The following ADAMTS20 variants were observed in gnomAD, a reference collection of about 807,000 sequenced individuals.
ADAMTS20 encodes the protein ADAM metallopeptidase with thrombospondin type 1 motif 20.
A neutral mutation model predicts 260.1 loss-of-function variants in ADAMTS20; 225 were observed. The observed-to-expected ratio is 0.87, with a 90% CI of 0.78 to 0.97. The LOEUF (loss-of-function observed/expected upper bound fraction) is 0.97. Ranked by LOEUF, ADAMTS20 falls within the 50% of genes least tolerant of loss-of-function variation. The pLI is 0.00. For missense variants in ADAMTS20, 2,400 were observed against 2,337.7 expected (o/e 1.03, Z -0.55); for synonymous variants, 802 against 769.5 (o/e 1.04, Z -0.70).
intron 7 of ADAMTS20, among the ~76,000 whole-genome samples, chr12:43,488,145 G>A (rs551144003): frequency 1.2e-4 from 19 of 152,094 alleles, no homozygotes; most frequent in African/African-American, 4.6e-4. Context: ...GTTCAATTTG[G>A]GGAGTTGAGC....
intron 26 of ADAMTS20, 136 bp downstream of exon 26, chr12:43,428,105 T>C (rs1051221775): frequency 9.9e-6 from 9 of 910,510 alleles, no homozygotes; most frequent in Non-Finnish European, 1.4e-5. Flanking sequence ...AGACGCTTAA[T>C]CTTTTTAATA....
At position 43,440,015 on chromosome 12, in the gene ADAMTS20, G is replaced by A. The variant is rs372549704; in HGVS notation, c.2345C>T (p.Thr782Met). 7.9e-5 allele frequency: 124 copies of A among 1,571,706 alleles called. No individual in the cohort carries two copies. Among genetic ancestry groups the A allele is most frequent in the Non-Finnish European group, 1.1e-4 (123 of 1,156,900 alleles). The change falls in exon 17 of 39, where the codon ACG becomes ATG. Residue 782 changes from threonine (T) to methionine (M), a missense_variant. Thr to Met is a moderately conservative substitution (Grantham distance 81, BLOSUM62 -1). Transcript: ENST00000389420. ...FLFNGNFLLS[T>M]SKKEINVQGT... ...TTGCACATTGATTTCTTTTTTTGACGTACTTAGAAGAAAATTTCCATTGAA... is the reference window on the plus strand; with the variant it reads ...TTGCACATTGATTTCTTTTTTTGACATACTTAGAAGAAAATTTCCATTGAA...
chr12:43,483,388 A>G (rs1169395961), intron 7 of ADAMTS20, among the ~76,000 whole-genome samples: 1 of 152,164 alleles, frequency 6.6e-6, no homozygotes, highest in Admixed American at 6.5e-5. Flanking sequence ...GAGTTTCAGC[A>G]GAGGCATAGG....
intron 11 of ADAMTS20, 111 bp from the exon 12 acceptor site, chr12:43,454,163 A>T: frequency 8.2e-7 from 1 of 1,216,348 alleles, no homozygotes; most frequent in Non-Finnish European, 1.1e-6. Flanking sequence ...AACAATTTGA[A>T]GCTAGCTGTT....
intron 29 of ADAMTS20, among the ~76,000 whole-genome samples, chr12:43,386,040 C>T (rs1940468670): frequency 6.6e-6 from 1 of 152,020 alleles, no homozygotes; most frequent in Non-Finnish European, 1.5e-5. Context: ...TGATTCTTCT[C>T]TCTTTTCTTC....
intron 4 of ADAMTS20, among the ~76,000 whole-genome samples, chr12:43,494,032 T>C (rs529901694): frequency 6.6e-6 from 1 of 152,334 alleles, no homozygotes; most frequent in East Asian, 1.9e-4. Context: ...GTAGCCATTA[T>C]AGAGGTTGCC....
At position 43,428,321 on chromosome 12, in the gene ADAMTS20, G is replaced by C. The variant is rs1489536091; in HGVS notation, c.3865C>G (p.Gln1289Glu). The change falls in exon 26 of 39, where the codon CAA becomes GAA. Residue 1289 changes from glutamine to glutamate, a missense_variant. Physicochemically the swap from Gln to Glu is conservative, Grantham distance 29. Transcript: ENST00000389420. ...YYLSTNLPLT[Q>E]KLEDNENQVV... is the part of the protein sequence containing the mutation. ...TGATTTTCATTATCTTCAAGTTTTT[G>C]AGTTAATGGCAAATTCGTGCTTAGA... The C allele has an allele frequency of 6.2e-7, 1 of 1,613,940 alleles. No individual in the cohort carries two copies. The highest frequency in any genetic ancestry group is 1.7e-5 in the Admixed American group (1 of 60,002).
intron 3 of ADAMTS20, among the ~76,000 whole-genome samples, chr12:43,528,724 A>C (rs1226093074): frequency 6.6e-6 from 1 of 152,072 alleles, no homozygotes; most frequent in African/African-American, 2.4e-5. Context: ...CCCTAGGGAA[A>C]ACTCTTCTGG....
rs1490371350 is a variant in ADAMTS20 at position 43,377,518 on chromosome 12, A to G, written c.4842T>C (p.Tyr1614=). The G allele has an allele frequency of 4.3e-6, 7 of 1,613,294 alleles. No homozygotes were observed. The Admixed American group carries it at 8.3e-5, about 19-fold the overall frequency. Residue 1614 remains tyrosine (Y), a synonymous_variant, in exon 32 of 39, where the codon TAT becomes TAC. Coordinates refer to ENST00000389420, the MANE Select transcript of ADAMTS20 (RefSeq NM_025003.5). ...CGFSYRQRIT[Y]CTEIPSTKKH... Reference sequence around the variant, plus strand: ...TCTTAGTAGATGGGATCTCGGTGCAATATGTAATCCTTTGTCTGTAACTAA... The same window carrying G: ...TCTTAGTAGATGGGATCTCGGTGCAGTATGTAATCCTTTGTCTGTAACTAA...
In ADAMTS20 at chr12:43,439,991, T is replaced by C. The variant is rs1476022407; in HGVS notation, c.2369A>G (p.Gln790Arg). 3 of 1,588,946 alleles carry C rather than the reference T, an allele frequency of 1.9e-6. No individual in the cohort carries two copies. Among genetic ancestry groups the C allele is most frequent in the Admixed American group, 1.8e-5 (1 of 56,100 alleles). The change falls in exon 17 of 39, where the codon CAA (glutamine) becomes CGA (arginine). Residue 790 changes from glutamine (Q) to arginine (R), a missense_variant. Physicochemically the swap from Gln to Arg is conservative, Grantham distance 43. Transcript: ENST00000389420. The stretch of plus-strand genomic sequence containing the variant: ...GTATTCAATAACAGTTCTTGTTCCT[T>C]GCACATTGATTTCTTTTTTTGACGT... ...LSTSKKEINV[Q>R]GTRTVIEYSG...
rs1433193026 is a variant in ADAMTS20, at chr12:43,551,821, G to T, written c.91+10C>A. ...ACTTAGCCGCTGAAGGCGTCTCGCGGTGACTTTACCTTGCCTGGGGTGGAA... is the reference window on the plus strand; with the variant it reads ...ACTTAGCCGCTGAAGGCGTCTCGCGTTGACTTTACCTTGCCTGGGGTGGAA... On this transcript the variant is annotated intron_variant, in intron 1 of 38. Transcript: ENST00000389420. This position sits in a 1 kb window ranked among gnomAD's most constrained non-coding sequence, Gnocchi z 4.6. 1 of 1,613,030 alleles carries T rather than the reference G, an allele frequency of 6.2e-7. No homozygotes were observed. Among genetic ancestry groups the T allele is most frequent in the East Asian group, 2.2e-5 (1 of 44,698 alleles).
At position 43,432,501 on chromosome 12, in the gene ADAMTS20, A is replaced by G. The variant is rs1326565298; in HGVS notation, c.2932-33T>C. 4.8e-5 allele frequency: 76 copies of G among 1,592,560 alleles called. No individual in the cohort carries two copies. The Admixed American group carries it at 1.3e-3, about 27-fold the overall frequency. On this transcript the variant is annotated intron_variant, in intron 20 of 38. Coordinates refer to ENST00000389420, the MANE Select transcript of ADAMTS20 (RefSeq NM_025003.5). ...AAAAAAAAAAAGTGGTAACTAATGG[A>G]AAAAAATCAGATTTTCAACAAAATT...
chr12:43,520,413 G>T (rs1208816786), intron 3 of ADAMTS20, among the ~76,000 whole-genome samples: 1 of 152,076 alleles, frequency 6.6e-6, no homozygotes, highest in Non-Finnish European at 1.5e-5. Context: ...TAACTTAGGA[G>T]ATGGGAAACC....
intron 7 of ADAMTS20, among the ~76,000 whole-genome samples, chr12:43,476,992 TA>T (rs3990496): frequency 0.23 from 20,497 of 90,706 alleles, 1,618 homozygotes; most frequent in Admixed American, 0.32. Flanking sequence ...ACTTAAAGTA[TA>T]AAAAAAAAAA....
At chr12:43,438,232 G>A (rs1203896086) in intron 18 of ADAMTS20, among the ~76,000 whole-genome samples, 1 of 152,058 alleles carries the variant, frequency 6.6e-6, no homozygotes, top group African/African-American at 2.4e-5. Context: ...TATTCTCTGT[G>A]TGTTCACTGC....
intron 22 of ADAMTS20, 149 bp downstream of exon 22, chr12:43,431,183 T>TA (rs1941434792): frequency 1.4e-6 from 1 of 696,798 alleles, no homozygotes; most frequent in Admixed American, 3.2e-5. Flanking sequence ...ATGTTACACA[T>TA]AAAGATTCAC....
At chr12:43,511,856 C>A (rs551197471) in intron 3 of ADAMTS20, among the ~76,000 whole-genome samples, 4 of 152,190 alleles carry the variant, frequency 2.6e-5, no homozygotes, top group Middle Eastern at 6.8e-3. Context: ...AATACTTGTT[C>A]TAGACTTAAC....
intron 8 of ADAMTS20, among the ~76,000 whole-genome samples, chr12:43,468,392 T>G (rs1184970773): frequency 2.6e-5 from 4 of 152,196 alleles, no homozygotes; most frequent in Admixed American, 2.6e-4. Context: ...AAGTTCTAGT[T>G]CTTTGCTTAG....
At chr12:43,428,948 G>A (rs1460226627) in intron 24 of ADAMTS20, 149 bp from the exon 25 acceptor site, 9 of 640,150 alleles carry the variant, frequency 1.4e-5, no homozygotes, top group Non-Finnish European at 2.1e-5. Context: ...CATCACTTCT[G>A]AGTCAAATAA....
Sources: allele counts gnomAD v4.1 joint callset (sites outside exome capture counted in the v4.1 genomes callset), GRCh38; gene constraint gnomAD v4.1.1; non-coding constraint Gnocchi (gnomAD v3.1); transcripts MANE v1.5; gene names NCBI Gene and HGNC (gene_info 2026-07-23, HGNC 2026-07-21).